Variants in ACSS3 observed in about 807,000 individuals in gnomAD.
ACSS3 encodes the protein acyl-CoA synthetase short-chain family member 3, mitochondrial.
A neutral mutation model predicts 84.2 loss-of-function variants in ACSS3; 64 were observed. The observed-to-expected ratio is 0.76, with a 90% CI of 0.62 to 0.94. The LOEUF (loss-of-function observed/expected upper bound fraction) is 0.94. ACSS3 is among the 40% of genes least tolerant of loss of function. The pLI is 0.00. For missense variants in ACSS3, 815 were observed against 867.6 expected (o/e 0.94, Z 0.76); for synonymous variants, 317 against 310.1 (o/e 1.02, Z -0.23).
intron 13 of ACSS3, among the ~76,000 whole-genome samples, chr12:81,241,522 G>T (rs193040781): frequency 5.9e-5 from 9 of 152,042 alleles, no homozygotes; most frequent in Non-Finnish European, 1.2e-4. Flanking sequence ...TTTAGTGATC[G>T]CCATTCTAAC....
At chr12:81,113,626 A>G (rs914685333) in intron 2 of ACSS3, among the ~76,000 whole-genome samples, 1 of 152,254 alleles carries the variant, frequency 6.6e-6, no homozygotes, top group Non-Finnish European at 1.5e-5. Flanking sequence ...AGTCAATGAA[A>G]GAATAAATGA....
At chr12:81,109,435 C>A in intron 1 of ACSS3, 125 bp from the exon 2 acceptor site, 1 of 1,013,544 alleles carries the variant, frequency 9.9e-7, no homozygotes, top group Non-Finnish European at 1.4e-6. Context: ...CATTACTTGA[C>A]ATAGAATGCA....
At chr12:81,145,984 G>C (rs1191962473) in intron 5 of ACSS3, among the ~76,000 whole-genome samples, 1 of 152,024 alleles carries the variant, frequency 6.6e-6, no homozygotes, top group Non-Finnish European at 1.5e-5. Flanking sequence ...TGGACTTTAG[G>C]GTTGAAATTG....
At chr12:81,207,361 C>A (rs1046365454) in intron 9 of ACSS3, among the ~76,000 whole-genome samples, 1 of 152,244 alleles carries the variant, frequency 6.6e-6, no homozygotes, top group East Asian at 1.9e-4. Context: ...GGTGGCTATT[C>A]TCCTTGGAGA....
chr12:81,148,588 T>G (rs1279949746), intron 5 of ACSS3, among the ~76,000 whole-genome samples: 1 of 152,152 alleles, frequency 6.6e-6, no homozygotes, highest in Non-Finnish European at 1.5e-5. Context: ...CACTTTCATG[T>G]CTTTATTCAG....
chr12:81,149,853 T>C (rs1035542903), intron 5 of ACSS3, among the ~76,000 whole-genome samples: 6 of 152,174 alleles, frequency 3.9e-5, no homozygotes, highest in African/African-American at 7.2e-5. Context: ...GGAAATAATA[T>C]TGTTAATGAA....
chr12:81,156,208 C>CA (rs35821822), intron 7 of ACSS3, among the ~76,000 whole-genome samples: 1 of 123,964 alleles, frequency 8.1e-6, no homozygotes, highest in African/African-American at 2.7e-5. Context: ...ACACACACAC[C>CA]CCACACACAC....
chr12:81,132,770 A>G (rs545840321), intron 2 of ACSS3, among the ~76,000 whole-genome samples: 83 of 152,160 alleles, frequency 5.5e-4, no homozygotes, highest in Non-Finnish European at 9.6e-4. Context: ...CCTTGGTTGA[A>G]TGTCATTTTT....
intron 2 of ACSS3, among the ~76,000 whole-genome samples, chr12:81,122,550 C>T (rs1234928467): frequency 6.6e-6 from 1 of 152,100 alleles, no homozygotes; most frequent in African/African-American, 2.4e-5. Context: ...TACTATCATA[C>T]TATCATATTA....
intron 8 of ACSS3, among the ~76,000 whole-genome samples, chr12:81,198,991 A>G (rs898211963): frequency 1.3e-5 from 2 of 152,202 alleles, no homozygotes; most frequent in African/African-American, 4.8e-5. Flanking sequence ...TCAAATTTGG[A>G]GCTAAAATTA....
intron 8 of ACSS3, among the ~76,000 whole-genome samples, chr12:81,196,375 A>G (rs2031829130): frequency 6.6e-6 from 1 of 152,156 alleles, no homozygotes; most frequent in Admixed American, 6.5e-5. Context: ...AGACTGGAAG[A>G]TGTCTCACCA....
At chr12:81,249,719 C>A (rs1348522047) in intron 13 of ACSS3, among the ~76,000 whole-genome samples, 1 of 152,048 alleles carries the variant, frequency 6.6e-6, no homozygotes, top group African/African-American at 2.4e-5. Flanking sequence ...TCTGGAATCT[C>A]TCTGACAAGT....
At chr12:81,115,038 T>A (rs1883921738) in intron 2 of ACSS3, among the ~76,000 whole-genome samples, 1 of 152,176 alleles carries the variant, frequency 6.6e-6, no homozygotes, top group Non-Finnish European at 1.5e-5. Flanking sequence ...CTCAACTTTC[T>A]GGTGATGAGT....
chr12:81,152,108 A>G lies in ACSS3; in HGVS notation c.1098+12A>G, dbSNP rs571077684. The G allele has an allele frequency of 1.0e-5, 16 of 1,582,824 alleles. No homozygotes were observed. The Admixed American group carries it at 1.3e-4, about 13-fold the overall frequency. On this transcript the variant is annotated intron_variant, in intron 7 of 15. Coordinates refer to ENST00000548058, the MANE Select transcript of ACSS3 (RefSeq NM_024560.4). The stretch of plus-strand genomic sequence containing the variant: ...CAGTTTTATATGAGGTAATAAAGTA[A>G]AGTTAATACCACATATAAATGATAT...
intron 8 of ACSS3, among the ~76,000 whole-genome samples, chr12:81,187,137 A>T (rs2031308758): frequency 8.2e-6 from 1 of 122,598 alleles, no homozygotes; most frequent in Non-Finnish European, 1.8e-5. Context: ...TTATATGTTA[A>T]ATTTTAAAAC....
chr12:81,232,057 G>T (rs2033483227), intron 12 of ACSS3, among the ~76,000 whole-genome samples: 1 of 151,950 alleles, frequency 6.6e-6, no homozygotes, highest in South Asian at 2.1e-4. Context: ...TCTTTAGAAA[G>T]AAATTGCAGC....
chr12:81,230,320 A>G (rs2033415986), intron 11 of ACSS3, among the ~76,000 whole-genome samples: 1 of 151,882 alleles, frequency 6.6e-6, no homozygotes, highest in Non-Finnish European at 1.5e-5. Context: ...ATTTATGTAA[A>G]CACAGATAGA....
chr12:81,185,687 A>G (rs2135856044), intron 8 of ACSS3, among the ~76,000 whole-genome samples: 1 of 151,932 alleles, frequency 6.6e-6, no homozygotes, highest in South Asian at 2.1e-4. Flanking sequence ...ACTATAAAAT[A>G]TTGATGAAAG....
Position 81,254,899 on chromosome 12 carries a change from G to A in ACSS3, c.2038G>A (p.Glu680Lys). 6.2e-7 allele frequency: 1 copy of A among 1,607,006 alleles called. No homozygotes were observed. The change falls in exon 16 of 16, where the codon GAA becomes AAA. Residue 680 changes from glutamate to lysine, a missense_variant. Coordinates refer to ENST00000548058, the MANE Select transcript of ACSS3 (RefSeq NM_024560.4). ...IEDPSIFGHV[E>K]EMLKQA is the part of the protein sequence containing the mutation. ...AGACCCCAGCATTTTTGGCCACGTA[G>A]AAGAAATGCTGAAGCAAGCATAATG...
Sources: allele counts gnomAD v4.1 joint callset (sites outside exome capture counted in the v4.1 genomes callset), GRCh38; gene constraint gnomAD v4.1.1; transcripts MANE v1.5; gene names NCBI Gene and HGNC (gene_info 2026-07-23, HGNC 2026-07-21).